VPS13B: variants seen among roughly 807,000 people sequenced by gnomAD.
VPS13B encodes the protein vacuolar protein sorting 13 homolog B.
VPS13B carries 285 observed loss-of-function variants against 426.4 expected under a neutral mutation model. The observed-to-expected ratio is 0.67, with a 90% CI of 0.61 to 0.74. The LOEUF is 0.74. Ranked by LOEUF, VPS13B falls within the 30% of genes least tolerant of loss-of-function variation. The pLI is 0.00. For synonymous variants in VPS13B, 1,676 were observed against 1,676.4 expected (o/e 1.00, Z 0.01); for missense variants, 4,537 against 4,782.6 (o/e 0.95, Z 1.51).
At chr8:99,697,881 T>C in intron 35 of VPS13B, 1 of 516,908 alleles carries the variant, frequency 1.9e-6, no homozygotes, top group Non-Finnish European at 3.7e-6. Context: ...ATCAATGACC[T>C]CATCAATGTG....
At chr8:99,715,948 T>G (rs1398728376) in intron 36 of VPS13B, among the ~76,000 whole-genome samples, 1 of 152,140 alleles carries the variant, frequency 6.6e-6, no homozygotes, top group African/African-American at 2.4e-5. Flanking sequence ...GGGGGTATTT[T>G]GGGGCCTGTT....
chr8:99,249,925 TG>T (rs958309990), intron 17 of VPS13B, among the ~76,000 whole-genome samples: 1 of 150,678 alleles, frequency 6.6e-6, no homozygotes, highest in Admixed American at 6.7e-5. Context: ...TTGGGGGTGG[TG>T]GGGGAGAAAC....
At chr8:99,805,756 T>G (rs1272509343) in intron 43 of VPS13B, among the ~76,000 whole-genome samples, 1 of 152,214 alleles carries the variant, frequency 6.6e-6, no homozygotes, top group African/African-American at 2.4e-5. Flanking sequence ...ACAACCTGCC[T>G]TATTGCTTAG....
intron 30 of VPS13B, among the ~76,000 whole-genome samples, chr8:99,524,881 A>G (rs1214116006): frequency 6.6e-6 from 1 of 152,182 alleles, no homozygotes; most frequent in East Asian, 1.9e-4. Context: ...GAGTGACATG[A>G]CATACTTAAA....
chr8:99,505,752 T>A (rs1266680629), intron 27 of VPS13B, among the ~76,000 whole-genome samples: 2 of 152,164 alleles, frequency 1.3e-5, no homozygotes, highest in Non-Finnish European at 2.9e-5. Flanking sequence ...GCTGATGGAT[T>A]TACTCAATGT....
chr8:99,315,575 C>T (rs1275062046), intron 19 of VPS13B, among the ~76,000 whole-genome samples: 9 of 150,102 alleles, frequency 6.0e-5, no homozygotes, highest in African/African-American at 2.0e-4. Context: ...TGTGTGTTCT[C>T]TTATATCTCA....
In VPS13B at chr8:99,375,579, T is replaced by C. The variant is rs1373041798; in HGVS notation, c.2825-8629T>C. On this transcript the variant is annotated intron_variant, in intron 19 of 61. Coordinates refer to ENST00000357162, the MANE Select transcript of VPS13B (RefSeq NM_152564.5). Reference sequence around the variant, plus strand: ...TCCCCTAGATAAAGTTGCTAGTAGTTGGCAGCTCATCACTGCTCTTGCATT... The same window carrying C: ...TCCCCTAGATAAAGTTGCTAGTAGTCGGCAGCTCATCACTGCTCTTGCATT... Among the ~76,000 whole-genome samples the C allele has an allele frequency of 3.3e-5, 5 of 152,356 alleles. No individual in the cohort carries two copies. In the East Asian group the frequency reaches 9.6e-4, roughly 29 times the overall value.
chr8:99,742,928 C>T (rs1809832987), intron 39 of VPS13B, among the ~76,000 whole-genome samples: 1 of 152,128 alleles, frequency 6.6e-6, no homozygotes, highest in African/African-American at 2.4e-5. Flanking sequence ...GACAGGGATG[C>T]CCTCTCTCAC....
chr8:99,502,838 G>T lies in VPS13B; in HGVS notation c.4045G>T (p.Val1349Phe), dbSNP rs780981868. The change falls in exon 27 of 62, where the codon GTT becomes TTT. Residue 1349 changes from valine to phenylalanine, a missense_variant and splice_region_variant. Val to Phe is a conservative substitution (Grantham distance 50, BLOSUM62 -1). Around this residue, in one of 2 missense-constraint regions of VPS13B, gnomAD observed 4,311 missense variants for 4,474.3 expected, o/e 0.96. Transcript: ENST00000357162. ...APDPENKGTEVCMVSELEDLS... is the reference protein window; with the variant it reads ...APDPENKGTEFCMVSELEDLS... Reference sequence around the variant, plus strand: ...TTACTGCTTGTTTCTTATTGCAGAGGTTTGTATGGTCAGTGAACTAGAAGA... The same window carrying T: ...TTACTGCTTGTTTCTTATTGCAGAGTTTTGTATGGTCAGTGAACTAGAAGA... 9 of 1,607,260 alleles carry T rather than the reference G, an allele frequency of 5.6e-6. No homozygotes were observed. In the South Asian group the frequency reaches 8.8e-5, roughly 16 times the overall value.
At chr8:99,469,756 G>T (rs75042899) in intron 24 of VPS13B, among the ~76,000 whole-genome samples, 9,028 of 152,176 alleles carry the variant, frequency 0.059, 359 homozygotes, top group African/African-American at 0.11. Flanking sequence ...TTGGTTATAG[G>T]TTTGTAACAG....
At chr8:99,140,961 CT>C (rs1563564145) in intron 12 of VPS13B, among the ~76,000 whole-genome samples, 1 of 151,836 alleles carries the variant, frequency 6.6e-6, no homozygotes, top group East Asian at 1.9e-4. Flanking sequence ...TAATGACTAC[CT>C]TTCTAGTCTT....
chr8:99,714,827 A>G (rs1832847837), intron 36 of VPS13B, among the ~76,000 whole-genome samples: 1 of 152,226 alleles, frequency 6.6e-6, no homozygotes, highest in Non-Finnish European at 1.5e-5. Flanking sequence ...GATGTGTCAC[A>G]TATTAAAGAA....
intron 17 of VPS13B, among the ~76,000 whole-genome samples, chr8:99,194,589 G>A (rs975097262): frequency 2.0e-5 from 3 of 152,132 alleles, no homozygotes; most frequent in Non-Finnish European, 4.4e-5. Flanking sequence ...TGTCTTAAAC[G>A]ACAGAATTTC....
rs1228691515 is a variant in VPS13B at position 99,578,736 on chromosome 8, AAAAGTAAATTACATTCCTATATT to A, written c.5220+1105_5220+1127del. On this transcript the variant is annotated intron_variant, in intron 33 of 61. Coordinates refer to ENST00000357162, the MANE Select transcript of VPS13B (RefSeq NM_152564.5). ...GCCTCTGAAGCAAGTTGAGTTGGATAAAAGTAAATTACATTCCTATATTATTTGTGCCAATTTTATAAATGTCT... is the reference window on the plus strand; with the variant it reads ...GCCTCTGAAGCAAGTTGAGTTGGATAATTTGTGCCAATTTTATAAATGTCT... 2.0e-5 allele frequency among the ~76,000 whole-genome samples: 3 copies of A among 152,168 alleles called. No homozygotes were observed. In the East Asian group the frequency reaches 5.8e-4, roughly 29 times the overall value.
At chr8:99,669,645 T>A (rs759231168) in intron 35 of VPS13B, among the ~76,000 whole-genome samples, 1 of 152,148 alleles carries the variant, frequency 6.6e-6, no homozygotes, top group Non-Finnish European at 1.5e-5. Flanking sequence ...GCCACTGGTC[T>A]TTTTCTCCTA....
intron 19 of VPS13B, among the ~76,000 whole-genome samples, chr8:99,327,390 G>A (rs1810331972): frequency 6.6e-6 from 1 of 152,056 alleles, no homozygotes; most frequent in Non-Finnish European, 1.5e-5. Flanking sequence ...AATTAATATA[G>A]GTAGCCAGTC....
chr8:99,126,186 A>C (rs1343568924), intron 8 of VPS13B, among the ~76,000 whole-genome samples: 1 of 152,138 alleles, frequency 6.6e-6, no homozygotes, highest in East Asian at 1.9e-4. Context: ...TTGGTAGAAA[A>C]GGTGATAGCG....
intron 54 of VPS13B, among the ~76,000 whole-genome samples, chr8:99,844,336 A>C (rs574275301): frequency 1.4e-5 from 2 of 148,050 alleles, no homozygotes; most frequent in African/African-American, 4.9e-5. Context: ...ACCTCACATG[A>C]TGGAAGGGAT....
At chr8:99,382,380 G>C (rs967555005) in intron 19 of VPS13B, among the ~76,000 whole-genome samples, 1 of 152,112 alleles carries the variant, frequency 6.6e-6, no homozygotes, top group Non-Finnish European at 1.5e-5. Context: ...TTGGTAGTTT[G>C]ATAGGAACAG....
Sources: gnomAD v4.1 joint callset for allele counts (sites outside exome capture counted in the v4.1 genomes callset) on GRCh38, gnomAD v4.1.1 for gene constraint, gnomAD v4.1.1 regional missense constraint, MANE v1.5 for transcripts, NCBI Gene and HGNC (gene_info 2026-07-23, HGNC 2026-07-21) for gene names.